The following ABTB2 variants were observed in gnomAD, a reference collection of about 807,000 sequenced individuals.
ABTB2 encodes the protein ankyrin repeat and BTB/POZ domain-containing protein 2.
In ABTB2, 56 loss-of-function variants were observed where a neutral mutation model predicts 104.1. That is an observed-to-expected ratio of 0.54 (90% CI 0.43 to 0.67). The LOEUF (loss-of-function observed/expected upper bound fraction) is 0.67. ABTB2 is among the 30% of genes least tolerant of loss of function. The pLI is 0.00. For synonymous variants in ABTB2, 606 were observed against 608.2 expected (o/e 1.00, Z 0.05); for missense variants, 1,279 against 1,407.7 (o/e 0.91, Z 1.46).
chr11:34,286,846 C>G (rs1854512445), intron 1 of ABTB2, among the ~76,000 whole-genome samples: 1 of 152,200 alleles, frequency 6.6e-6, no homozygotes, highest in East Asian at 1.9e-4. Context: ...AAACCAGCCT[C>G]AAAAGCTTAT....
intron 2 of ABTB2, among the ~76,000 whole-genome samples, chr11:34,200,881 C>T (rs746298126): frequency 6.6e-6 from 1 of 151,822 alleles, no homozygotes; most frequent in African/African-American, 2.4e-5. Context: ...GACAGGTCCA[C>T]AAACTTACTG....
At chr11:34,338,881 T>A (rs1855227697) in intron 1 of ABTB2, among the ~76,000 whole-genome samples, 1 of 152,162 alleles carries the variant, frequency 6.6e-6, no homozygotes, top group Admixed American at 6.5e-5. Flanking sequence ...AGCCTAGGAA[T>A]ATCAACAGTA....
intron 1 of ABTB2, among the ~76,000 whole-genome samples, chr11:34,316,053 A>G (rs1301800765): frequency 6.6e-6 from 1 of 152,268 alleles, no homozygotes; most frequent in African/African-American, 2.4e-5. Context: ...GACAAGAACT[A>G]ACTTTGGGAT....
intron 1 of ABTB2, among the ~76,000 whole-genome samples, chr11:34,289,848 A>C (rs1854548009): frequency 6.6e-6 from 1 of 152,210 alleles, no homozygotes; most frequent in Non-Finnish European, 1.5e-5. Flanking sequence ...CTAGGCAACC[A>C]GTATCCCAGA....
At chr11:34,333,570 A>G (rs1855156838) in intron 1 of ABTB2, among the ~76,000 whole-genome samples, 1 of 152,214 alleles carries the variant, frequency 6.6e-6, no homozygotes, top group African/African-American at 2.4e-5. Context: ...AGCCTGGCCA[A>G]CATGGCAAAA....
intron 3 of ABTB2, among the ~76,000 whole-genome samples, chr11:34,180,103 G>A (rs1853007784): frequency 6.6e-6 from 1 of 152,200 alleles, no homozygotes; most frequent in African/African-American, 2.4e-5. Context: ...AAATGCCTCA[G>A]CTCCAGCTTT....
chr11:34,197,844 C>T (rs189968370), intron 2 of ABTB2, among the ~76,000 whole-genome samples: 1 of 152,190 alleles, frequency 6.6e-6, no homozygotes, highest in Non-Finnish European at 1.5e-5. Context: ...CCCTCATGGG[C>T]CTCTCCCCAG....
intron 3 of ABTB2, 69 bp downstream of exon 3, chr11:34,197,256 T>G: frequency 6.6e-7 from 1 of 1,526,360 alleles, no homozygotes; most frequent in Non-Finnish European, 9.1e-7. Context: ...TCAGTCAGTG[T>G]CAGTCAGTCG....
intron 1 of ABTB2, among the ~76,000 whole-genome samples, chr11:34,211,751 T>C (rs1853482963): frequency 6.6e-6 from 1 of 151,508 alleles, no homozygotes; most frequent in South Asian, 2.1e-4. Context: ...TAGTCAGGCA[T>C]GGTGGTGCAC....
At chr11:34,181,259 AAC>A (rs1460549051) in intron 3 of ABTB2, among the ~76,000 whole-genome samples, 1,063 of 64,248 alleles carry the variant, frequency 0.017, 13 homozygotes, top group African/African-American at 0.039. Flanking sequence ...CAAACAAACA[AAC>A]AAAAAAAACA....
rs532808457 is a variant in ABTB2 at position 34,182,965 on chromosome 11, A to C, written c.1245-9658T>G. On this transcript the variant is annotated intron_variant, in intron 3 of 16. Transcript: ENST00000435224. ...GCAGAGCTGGGATATGAACCTGGGC[A>C]GTGTCCCTGAGTCTAAGCTTCTGAA... 2.0e-5 allele frequency among the ~76,000 whole-genome samples: 3 copies of C among 152,314 alleles called. No homozygotes were observed. In the South Asian group the frequency reaches 6.2e-4, roughly 32 times the overall value.
intron 1 of ABTB2, among the ~76,000 whole-genome samples, chr11:34,231,426 A>G (rs1343377695): frequency 1.3e-5 from 2 of 152,136 alleles, no homozygotes; most frequent in Non-Finnish European, 2.9e-5. Context: ...CAGTGACTTC[A>G]CTCTAAAGAC....
chr11:34,224,905 A>G (rs1300734795), intron 1 of ABTB2, among the ~76,000 whole-genome samples: 6 of 151,990 alleles, frequency 3.9e-5, no homozygotes, highest in Admixed American at 2.6e-4. Flanking sequence ...CAAAAACTAT[A>G]TTTTTCTTCA....
chr11:34,337,658 G>A (rs1296367187), intron 1 of ABTB2, among the ~76,000 whole-genome samples: 2 of 152,060 alleles, frequency 1.3e-5, no homozygotes, highest in Admixed American at 6.5e-5. Flanking sequence ...TGTAAAATGA[G>A]GATAAATAAT....
rs147196135 is a variant in ABTB2 at position 34,226,276 on chromosome 11, T to G, written c.884-21586A>C. 2.1e-5 allele frequency among the ~76,000 whole-genome samples: 3 copies of G among 145,498 alleles called. No individual in the cohort carries two copies. In the East Asian group the frequency reaches 6.2e-4, roughly 30 times the overall value. ...TATTGCCTCAAATAAACATTGGGAATAGCTTGGCAGGATGGGCCACCACTG... is the reference window on the plus strand; with the variant it reads ...TATTGCCTCAAATAAACATTGGGAAGAGCTTGGCAGGATGGGCCACCACTG... On this transcript the variant is annotated intron_variant, in intron 1 of 16. Coordinates refer to ENST00000435224, the MANE Select transcript of ABTB2 (RefSeq NM_145804.3).
At chr11:34,181,003 C>G (rs1485172699) in intron 3 of ABTB2, among the ~76,000 whole-genome samples, 1 of 152,226 alleles carries the variant, frequency 6.6e-6, no homozygotes, top group Non-Finnish European at 1.5e-5. Context: ...CTCCCTGGTG[C>G]AAGCGATTCT....
At chr11:34,255,552 G>C (rs1227656602) in intron 1 of ABTB2, among the ~76,000 whole-genome samples, 1 of 151,956 alleles carries the variant, frequency 6.6e-6, no homozygotes, top group African/African-American at 2.4e-5. Flanking sequence ...GAGTGTAGTG[G>C]CACAATCTCA....
At chr11:34,285,500 A>G (rs1854494759) in intron 1 of ABTB2, among the ~76,000 whole-genome samples, 1 of 152,132 alleles carries the variant, frequency 6.6e-6, no homozygotes, top group African/African-American at 2.4e-5. Context: ...GCAGAAATGG[A>G]CAGTAATAAC....
chr11:34,196,422 C>T (rs12280568), intron 3 of ABTB2, among the ~76,000 whole-genome samples: 3,074 of 152,200 alleles, frequency 0.02, 110 homozygotes, highest in African/African-American at 0.07. Flanking sequence ...GGCGTGGTGG[C>T]GGGCACCTGT....
Sources: allele counts gnomAD v4.1 joint callset (sites outside exome capture counted in the v4.1 genomes callset), GRCh38; gene constraint gnomAD v4.1.1; transcripts MANE v1.5; gene names NCBI Gene and HGNC (gene_info 2026-07-23, HGNC 2026-07-21).